The following PCDHGB2 variants were observed in gnomAD, a reference collection of about 807,000 sequenced individuals.
PCDHGB2 encodes the protein protocadherin gamma-B2.
A neutral mutation model predicts 59.3 loss-of-function variants in PCDHGB2; 55 were observed. The observed-to-expected ratio is 0.93, with a 90% CI of 0.75 to 1.16. The LOEUF (loss-of-function observed/expected upper bound fraction) is 1.16, where lower values mean the gene tolerates loss of function less well. Ranked by LOEUF, PCDHGB2 falls within the 50% of genes most tolerant of loss-of-function variation. The pLI, the probability that PCDHGB2 is intolerant of heterozygous loss-of-function variation, is 0.00. For synonymous variants in PCDHGB2, 516 were observed against 512.0 expected, an observed-to-expected ratio of 1.01 and a Z score of -0.11; for missense variants, 1,228 against 1,198.5, an observed-to-expected ratio of 1.02 and a Z score of -0.36.
rs1354510383 is a variant in PCDHGB2, at chr5:141,432,312, G to A, written c.2422-62495G>A. The A allele has an allele frequency of 5.6e-6, 9 of 1,614,132 alleles. No homozygotes were observed. The highest frequency in any genetic ancestry group is 7.6e-6 in the Non-Finnish European group (9 of 1,180,054). On this transcript the variant is annotated intron_variant, in intron 1 of 3. Transcript: ENST00000522605. The surrounding 1 kb of genome is among the most constrained non-coding windows in gnomAD (Gnocchi z 6.0). Reference sequence around the variant, plus strand: ...GACACTGGGGTACTGTATGCGCTGAGCTCCTTCGACTACGAGCAGTTCCGA... The same window carrying A: ...GACACTGGGGTACTGTATGCGCTGAACTCCTTCGACTACGAGCAGTTCCGA...
intron 2 of PCDHGB2, among the ~76,000 whole-genome samples, chr5:141,499,670 C>T (rs1477227784): frequency 6.6e-6 from 1 of 151,412 alleles, no homozygotes; most frequent in African/African-American, 2.4e-5. Flanking sequence ...TCTTGGTCTC[C>T]ACCATCTTTA....
In PCDHGB2 at chr5:141,431,985, T is replaced by A. The variant is rs1354693325; in HGVS notation, c.2422-62822T>A. 1 of 1,614,202 alleles carries A rather than the reference T, an allele frequency of 6.2e-7. No homozygotes were observed. The highest frequency in any genetic ancestry group is 1.7e-5 in the Admixed American group (1 of 60,030). ...TACTATAGTTTAGTCACAGACATAG[T>A]CTTGGATAGGGAACAGGTTCCTAGC... On this transcript the variant is annotated intron_variant, in intron 1 of 3. Coordinates refer to ENST00000522605, the MANE Select transcript of PCDHGB2 (RefSeq NM_018923.3). This position sits in a 1 kb window ranked among gnomAD's most constrained non-coding sequence, Gnocchi z 4.8.
At chr5:141,478,586 T>C (rs754157570) in intron 1 of PCDHGB2, 6 of 1,576,788 alleles carry the variant, frequency 3.8e-6, no homozygotes, top group Non-Finnish European at 3.4e-6. Context: ...GTTAGTGCTT[T>C]TTTATTCCTA....
rs773893751 is a variant in PCDHGB2 at position 141,431,903 on chromosome 5, G to A, written c.2422-62904G>A. 2 of 1,613,916 alleles carry A rather than the reference G, an allele frequency of 1.2e-6. No individual in the cohort carries two copies. Among genetic ancestry groups the A allele is most frequent in the South Asian group, 2.2e-5 (2 of 91,080 alleles). ...CCAAGATTCTGAGGAAAACGGACAG[G>A]TGATCTGTTTCATCCAAGGAAATCT... On this transcript the variant is annotated intron_variant, in intron 1 of 3. Transcript: ENST00000522605. The surrounding 1 kb of genome is among the most constrained non-coding windows in gnomAD (Gnocchi z 4.8).
chr5:141,452,654 T>C (rs2098746449), intron 1 of PCDHGB2, among the ~76,000 whole-genome samples: 1 of 151,162 alleles, frequency 6.6e-6, no homozygotes, highest in Non-Finnish European at 1.5e-5. Context: ...ATTTGCTCCA[T>C]CCACTGCACT....
chr5:141,366,198 C>T (rs187196267), intron 1 of PCDHGB2: 35 of 1,613,892 alleles, frequency 2.2e-5, no homozygotes, highest in African/African-American at 2.7e-5. Flanking sequence ...GGGCTGCACA[C>T]GGGCGAGGTG....
Position 141,491,650 on chromosome 5 carries a change from G to C in PCDHGB2, c.2422-3157G>C, listed in dbSNP as rs1283977913. On this transcript the variant is annotated intron_variant, in intron 1 of 3. Coordinates refer to ENST00000522605, the MANE Select transcript of PCDHGB2 (RefSeq NM_018923.3). The surrounding 1 kb of genome is among the most constrained non-coding windows in gnomAD (Gnocchi z 6.9). ...TCAGCAGCCCACAGCTCTGGCGCTG[G>C]AGCCTGACGCCATCCGGTCCCGCTC... The C allele has an allele frequency of 6.2e-7, 1 of 1,613,876 alleles. No individual in the cohort carries two copies. The highest frequency in any genetic ancestry group is 1.7e-5 in the Admixed American group (1 of 60,034).
intron 1 of PCDHGB2, chr5:141,422,081 T>C: frequency 2.5e-6 from 4 of 1,612,346 alleles, no homozygotes; most frequent in Non-Finnish European, 3.4e-6. Context: ...TTTCGGAACA[T>C]GGAAAGCAAG....
intron 1 of PCDHGB2, among the ~76,000 whole-genome samples, chr5:141,435,885 C>T (rs2097784639): frequency 6.6e-6 from 1 of 152,088 alleles, no homozygotes; most frequent in Non-Finnish European, 1.5e-5. Context: ...TTGGAAACCC[C>T]TTAGAGAATG....
At chr5:141,365,854 C>T (rs570866859) in intron 1 of PCDHGB2, 1 of 1,614,060 alleles carries the variant, frequency 6.2e-7, no homozygotes, top group Non-Finnish European at 8.5e-7. Flanking sequence ...TATCCATTAA[C>T]TCTGACACCG....
intron 1 of PCDHGB2, chr5:141,366,238 C>A (rs376279746): frequency 1.8e-4 from 297 of 1,613,786 alleles, no homozygotes; most frequent in Non-Finnish European, 2.3e-4. Flanking sequence ...TGGACAGAGA[C>A]GCGCTCAAGC....
At chr5:141,386,251 C>A (rs2090509345) in intron 1 of PCDHGB2, among the ~76,000 whole-genome samples, 2 of 152,070 alleles carry the variant, frequency 1.3e-5, no homozygotes, top group Admixed American at 1.3e-4. Context: ...GGAAATAACC[C>A]AATCTGGGAT....
chr5:141,397,992 C>T (rs1449951628), intron 1 of PCDHGB2: 3 of 1,349,734 alleles, frequency 2.2e-6, no homozygotes, highest in Non-Finnish European at 3.0e-6. Context: ...ACACCGCTTC[C>T]TCCTCGGAAA....
At chr5:141,375,435 C>A in intron 1 of PCDHGB2, 1 of 1,614,002 alleles carries the variant, frequency 6.2e-7, no homozygotes, top group East Asian at 2.2e-5. Context: ...AACCCGCCCA[C>A]CTTCCCCCAT....
At chr5:141,470,862 G>T (rs1363111218) in intron 1 of PCDHGB2, among the ~76,000 whole-genome samples, 1 of 151,596 alleles carries the variant, frequency 6.6e-6, no homozygotes, top group Non-Finnish European at 1.5e-5. Context: ...TAAGTTTTTT[G>T]TTTGTTTGTT....
intron 1 of PCDHGB2, chr5:141,422,528 C>T: frequency 5.0e-6 from 8 of 1,614,018 alleles, no homozygotes; most frequent in Non-Finnish European, 5.1e-6. Flanking sequence ...CCGCCTTTGT[C>T]TGCAGAAACT....
At chr5:141,419,630 G>T in intron 1 of PCDHGB2, 2 of 1,612,430 alleles carry the variant, frequency 1.2e-6, no homozygotes, top group African/African-American at 1.3e-5. Flanking sequence ...GGTGACCAAG[G>T]TGGTGGCCGT....
intron 1 of PCDHGB2, among the ~76,000 whole-genome samples, chr5:141,443,070 T>C (rs983773796): frequency 6.6e-6 from 1 of 152,244 alleles, no homozygotes; most frequent in African/African-American, 2.4e-5. Flanking sequence ...GAGCGTCTTA[T>C]GACTGAGTGT....
intron 1 of PCDHGB2, chr5:141,399,349 C>T (rs1467940246): frequency 6.2e-7 from 1 of 1,613,932 alleles, no homozygotes; most frequent in East Asian, 2.2e-5. Context: ...AACCCTAGAC[C>T]GAGAGCAAAC....
Sources: gnomAD v4.1 joint callset for allele counts (sites outside exome capture counted in the v4.1 genomes callset) on GRCh38, gnomAD v4.1.1 for gene constraint, Gnocchi (gnomAD v3.1) non-coding constraint, MANE v1.5 for transcripts, NCBI Gene and HGNC (gene_info 2026-07-23, HGNC 2026-07-21) for gene names.